Variants in TCFL5 observed in about 807,000 individuals in gnomAD.
TCFL5 encodes transcription factor-like 5 protein.
In TCFL5, 9 loss-of-function variants were observed where a neutral mutation model predicts 44.3. The observed-to-expected ratio is 0.20, with a 90% CI of 0.12 to 0.35. The LOEUF (loss-of-function observed/expected upper bound fraction) is 0.35. Ranked by LOEUF, TCFL5 falls within the 10% of genes least tolerant of loss-of-function variation. The pLI, the probability that TCFL5 is intolerant of heterozygous loss-of-function variation, is 1.00. For missense variants in TCFL5, 603 were observed against 613.4 expected, an observed-to-expected ratio of 0.98 and a Z score of 0.18; for synonymous variants, 319 against 271.6, an observed-to-expected ratio of 1.17 and a Z score of -1.72.
At chr20:62,846,963 T>A (rs947276202) in intron 5 of TCFL5, among the ~76,000 whole-genome samples, 2 of 151,988 alleles carry the variant, frequency 1.3e-5, no homozygotes, top group Non-Finnish European at 2.9e-5. Flanking sequence ...GGTGGGTGGA[T>A]CACCTGAGGT....
intron 3 of TCFL5, among the ~76,000 whole-genome samples, chr20:62,858,754 C>T (rs112460306): frequency 0.11 from 4,011 of 36,476 alleles, 777 homozygotes; most frequent in Middle Eastern, 0.26. Flanking sequence ...GAAGGGGCTA[C>T]GCAGGTGTTT....
Position 62,851,702 on chromosome 20 carries a change from GA to G in TCFL5, c.1380+2313del, listed in dbSNP as rs141077211. 2.5e-3 allele frequency: 2,449 copies of G among 985,432 alleles called. 58 individuals carry two copies. In the African/African-American group the frequency reaches 0.039, roughly 16 times the overall value. 61.0% of individuals were successfully genotyped at this position (985,432 alleles called of 1,614,324 possible). On this transcript the variant is annotated intron_variant, in intron 5 of 5. Transcript: ENST00000335351. ...AAGATGTAAATGTCATGTGGACACA[GA>G]AAAGGGACAGAGACAAGACAAACTA... is the stretch of plus-strand genomic sequence containing the variant.
chr20:62,846,741 T>G (rs1600829988), intron 5 of TCFL5, among the ~76,000 whole-genome samples: 1 of 137,254 alleles, frequency 7.3e-6, no homozygotes, highest in South Asian at 2.3e-4. Context: ...CCAGCCTGGG[T>G]GACAGAATGA....
intron 5 of TCFL5, chr20:62,851,620 C>G (rs1404419609): frequency 1.0e-6 from 1 of 985,010 alleles, no homozygotes; most frequent in Non-Finnish European, 1.2e-6. Context: ...CATAGCATCG[C>G]TATAGAATGC....
At chr20:62,860,015 GTTA>G (rs1179350789) in intron 2 of TCFL5, 107 bp downstream of exon 2, 66 of 1,124,214 alleles carry the variant, frequency 5.9e-5, no homozygotes, top group Non-Finnish European at 8.0e-5. Flanking sequence ...GGCTTAAAAG[GTTA>G]TTAAGCTCAC....
intron 5 of TCFL5, chr20:62,851,727 T>C (rs1253103971): frequency 2.9e-5 from 29 of 985,286 alleles, no homozygotes; most frequent in Non-Finnish European, 3.4e-5. Context: ...CAAGACAAAC[T>C]ATTGCCTGGC....
At chr20:62,845,442 G>A (rs1223164996) in intron 5 of TCFL5, 2 of 1,308,764 alleles carry the variant, frequency 1.5e-6, no homozygotes, top group African/African-American at 3.0e-5. Flanking sequence ...ATTTTAAAAG[G>A]TTTTAGGATG....
At chr20:62,852,234 TG>T in intron 5 of TCFL5, 1 of 985,472 alleles carries the variant, frequency 1.0e-6, no homozygotes, top group Non-Finnish European at 1.2e-6. Context: ...CAGGACCCTG[TG>T]GATCTATTTC....
At chr20:62,845,975 G>A in intron 5 of TCFL5, 1 of 1,436,206 alleles carries the variant, frequency 7.0e-7, no homozygotes, top group Non-Finnish European at 9.3e-7. Context: ...AACTTCAAAT[G>A]CAAAGCTCCT....
intron 5 of TCFL5, among the ~76,000 whole-genome samples, chr20:62,844,425 CT>C (rs571497409): frequency 5.9e-5 from 9 of 151,574 alleles, no homozygotes; most frequent in Non-Finnish European, 1.2e-4. Flanking sequence ...GTTGTGCTGT[CT>C]TTTTTTTGGA....
chr20:62,850,625 C>G (rs977976009), intron 5 of TCFL5, among the ~76,000 whole-genome samples: 1 of 152,192 alleles, frequency 6.6e-6, no homozygotes, highest in East Asian at 1.9e-4. Context: ...CCAGCTCCTA[C>G]TCCCTAGCAT....
At position 62,842,972 on chromosome 20, in the gene TCFL5, C is replaced by T. The variant is rs1442301342; in HGVS notation, c.1381-875G>A. On this transcript the variant is annotated intron_variant, in intron 5 of 5. Coordinates refer to ENST00000335351, the MANE Select transcript of TCFL5 (RefSeq NM_006602.4). The surrounding 1 kb of genome is among the most constrained non-coding windows in gnomAD (Gnocchi z 4.3). ...GGCTGAGCTTGCTCCTGTCACACCA[C>T]CTGTCTTTTACAAAAGGCCTCAATT... 6.6e-6 allele frequency among the ~76,000 whole-genome samples: 1 copy of T among 152,032 alleles called. No homozygotes were observed. Among genetic ancestry groups the T allele is most frequent in the Non-Finnish European group, 1.5e-5 (1 of 68,010 alleles).
At position 62,861,058 on chromosome 20, in the gene TCFL5, G is replaced by A. The variant is rs2063994100; in HGVS notation, c.613C>T (p.Pro205Ser). 1.0e-6 allele frequency: 1 copy of A among 995,724 alleles called. No homozygotes were observed. Among genetic ancestry groups the A allele is most frequent in the Non-Finnish European group, 1.2e-6 (1 of 838,400 alleles). The allele number at this position is 995,724 out of a possible 1,614,324, so 61.7% of individuals were successfully genotyped here. Residue 205 changes from proline to serine, a missense_variant, in exon 1 of 6, where the codon CCC becomes TCC. Coordinates refer to ENST00000335351, the MANE Select transcript of TCFL5 (RefSeq NM_006602.4). The surrounding 1 kb of genome is among the most constrained non-coding windows in gnomAD (Gnocchi z 4.0). ...GCCCCGCCCGGCTCGGGGGGCTCGG[G>A]GCCGCGCGGCGCGGGCGGCGGCTCG... ...PAEPPPAPRGPEPPEPGGALN... is the reference protein window; with the variant it reads ...PAEPPPAPRGSEPPEPGGALN...
Position 62,861,162 on chromosome 20 carries a change from CCAGCCG to C in TCFL5, c.503_508del (p.Ala168_Ala169del), listed in dbSNP as rs901636056. On this transcript the variant is annotated inframe_deletion, in exon 1 of 6. Transcript: ENST00000335351. This position sits in a 1 kb window ranked among gnomAD's most constrained non-coding sequence, Gnocchi z 4.0. Reference sequence around the variant, plus strand: ...CCGGGCCTCGGGCGCGCCGTCGGGTCCAGCCGCAGCCGCAGCCGCGCCCGCGCCCTC... The same window carrying C: ...CCGGGCCTCGGGCGCGCCGTCGGGTCCAGCCGCAGCCGCGCCCGCGCCCTC... 2.0e-4 allele frequency: 203 copies of C among 1,016,758 alleles called. 1 individual carries two copies. The East Asian group carries it at 8.1e-3, about 41-fold the overall frequency. The allele number at this position is 1,016,758 out of a possible 1,614,324, so 63.0% of individuals were successfully genotyped here.
At chr20:62,845,862 G>A (rs1229900604) in intron 5 of TCFL5, 1 of 1,579,676 alleles carries the variant, frequency 6.3e-7, no homozygotes, top group East Asian at 2.3e-5. Context: ...GTTTGCGTGT[G>A]GAGAAACAGT....
At chr20:62,850,745 G>C (rs761344655) in intron 5 of TCFL5, among the ~76,000 whole-genome samples, 1 of 152,118 alleles carries the variant, frequency 6.6e-6, no homozygotes, top group Admixed American at 6.6e-5. Flanking sequence ...AGCCTGCCCC[G>C]GTGCCCTGCC....
chr20:62,844,800 T>G, intron 5 of TCFL5: 11 of 840,256 alleles, frequency 1.3e-5, no homozygotes, highest in Non-Finnish European at 1.6e-5. Context: ...TTCACCATGT[T>G]GGCCAGGCTG....
At position 62,857,644 on chromosome 20, in the gene TCFL5, C is replaced by A. The variant is rs1388350679; in HGVS notation, c.995-6G>T. 11 of 1,601,036 alleles carry A rather than the reference C, an allele frequency of 6.9e-6. No individual in the cohort carries two copies. The highest frequency in any genetic ancestry group is 6.7e-5 in the South Asian group (6 of 89,142). On this transcript the variant is annotated splice_region_variant and splice_polypyrimidine_tract_variant and intron_variant, in intron 3 of 5. Transcript: ENST00000335351. ...TTGTTTGCATAGCGCTGCTTCTTTG[C>A]GAAAGAAGAAAAAAGTGGTTTTTAA...
chr20:62,853,075 G>A (rs1366329110), intron 5 of TCFL5, among the ~76,000 whole-genome samples: 5 of 135,212 alleles, frequency 3.7e-5, no homozygotes, highest in Admixed American at 1.4e-4. Context: ...CACCCGGTCC[G>A]CAGAAGCACA....
Sources: allele counts gnomAD v4.1 joint callset (sites outside exome capture counted in the v4.1 genomes callset), GRCh38; gene constraint gnomAD v4.1.1; non-coding constraint Gnocchi (gnomAD v3.1); transcripts MANE v1.5; gene names NCBI Gene and HGNC (gene_info 2026-07-23, HGNC 2026-07-21).